NELL1: variants seen among roughly 807,000 people sequenced by gnomAD.
The protein encoded by NELL1 is neural EGFL like 1, also known as protein kinase C-binding protein NELL1.
Under a neutral mutation model 107.4 loss-of-function variants are expected in NELL1, and 76 were observed. The ratio of observed to expected loss-of-function variants is 0.71; its 90% CI spans 0.59 to 0.86. The LOEUF (loss-of-function observed/expected upper bound fraction) is 0.86, where lower values mean the gene tolerates loss of function less well. NELL1 is among the 40% of genes least tolerant of loss of function. The pLI is 0.00. For missense variants in NELL1, 1,024 were observed against 1,005.5 expected, an observed-to-expected ratio of 1.02 and a Z score of -0.25; for synonymous variants, 353 against 341.2, an observed-to-expected ratio of 1.03 and a Z score of -0.38.
rs75998652 is a variant in NELL1, at chr11:20,878,493, T to G, written c.507-6951T>G. ...TTGTCTGCCTGATAGATTCAAATTT[T>G]CTATCTCTATCTCTTTTCCGGGTGA... is the stretch of plus-strand genomic sequence containing the variant. On this transcript the variant is annotated intron_variant, in intron 4 of 19. Coordinates refer to ENST00000357134, the MANE Select transcript of NELL1 (RefSeq NM_006157.5). Among the ~76,000 whole-genome samples, 1,297 of 149,390 alleles carry G rather than the reference T, an allele frequency of 8.7e-3. 17 individuals are homozygous for G. Among genetic ancestry groups the G allele is most frequent in the African/African-American group, 0.032 (1,243 of 38,862 alleles).
chr11:20,708,018 T>A (rs939943614), intron 2 of NELL1, among the ~76,000 whole-genome samples: 1 of 152,244 alleles, frequency 6.6e-6, no homozygotes, highest in African/African-American at 2.4e-5. Context: ...CCGGCTGCTT[T>A]GTTTACCTAC....
At chr11:21,462,502 G>A (rs1202558283) in intron 15 of NELL1, among the ~76,000 whole-genome samples, 1 of 152,036 alleles carries the variant, frequency 6.6e-6, no homozygotes, top group Non-Finnish European at 1.5e-5. Flanking sequence ...CCTATTGGGA[G>A]GTGGGAACCA....
chr11:20,705,940 G>T (rs1460533364), intron 2 of NELL1, among the ~76,000 whole-genome samples: 10 of 152,184 alleles, frequency 6.6e-5, no homozygotes, highest in Non-Finnish European at 1.5e-4. Context: ...GGCCATCAGA[G>T]AAATGCAAAT....
intron 13 of NELL1, among the ~76,000 whole-genome samples, chr11:21,175,789 C>G (rs559579811): frequency 1.3e-5 from 2 of 151,814 alleles, no homozygotes; most frequent in Non-Finnish European, 2.9e-5. Flanking sequence ...ATTTTGGAGC[C>G]TAATTTTAAA....
chr11:20,987,165 C>A (rs1017707795), intron 12 of NELL1, among the ~76,000 whole-genome samples: 1 of 152,102 alleles, frequency 6.6e-6, no homozygotes, highest in Admixed American at 6.5e-5. Context: ...GCCATTTTAA[C>A]TTGGGTAGAT....
At chr11:21,300,202 C>T (rs2133970679) in intron 14 of NELL1, among the ~76,000 whole-genome samples, 1 of 152,098 alleles carries the variant, frequency 6.6e-6, no homozygotes, top group African/African-American at 2.4e-5. Flanking sequence ...CTGAGGTGTT[C>T]TCTGAATGAT....
intron 12 of NELL1, among the ~76,000 whole-genome samples, chr11:21,086,223 G>A (rs1183198317): frequency 6.6e-6 from 1 of 152,106 alleles, no homozygotes; most frequent in Non-Finnish European, 1.5e-5. Flanking sequence ...CTAAGGAAAG[G>A]AAAATGGCAA....
chr11:21,387,591 C>A (rs111645433), intron 15 of NELL1, among the ~76,000 whole-genome samples: 1 of 151,880 alleles, frequency 6.6e-6, no homozygotes, highest in Non-Finnish European at 1.5e-5. Flanking sequence ...TTGAACAGCT[C>A]TTTGTGCCTC....
chr11:21,431,773 C>T (rs1268659718), intron 15 of NELL1, among the ~76,000 whole-genome samples: 7 of 152,174 alleles, frequency 4.6e-5, no homozygotes, highest in Non-Finnish European at 1.0e-4. Flanking sequence ...TACCATTTTG[C>T]TTAACCTGCT....
chr11:21,052,815 T>G (rs1413266375), intron 12 of NELL1, among the ~76,000 whole-genome samples: 1 of 152,008 alleles, frequency 6.6e-6, no homozygotes, highest in Non-Finnish European at 1.5e-5. Context: ...TTGGCCTGTC[T>G]GAAGAAACAA....
At chr11:20,996,297 GT>G (rs759756533) in intron 12 of NELL1, among the ~76,000 whole-genome samples, 1 of 152,198 alleles carries the variant, frequency 6.6e-6, no homozygotes, top group Non-Finnish European at 1.5e-5. Flanking sequence ...GTACTTGCAT[GT>G]TCTGTCAGAG....
intron 15 of NELL1, among the ~76,000 whole-genome samples, chr11:21,511,501 G>A (rs1855434546): frequency 6.6e-6 from 1 of 152,132 alleles, no homozygotes; most frequent in Admixed American, 6.6e-5. Flanking sequence ...TGCAGTGAAG[G>A]AAGAGAGACA....
chr11:21,140,225 A>T (rs1256525528), intron 13 of NELL1, among the ~76,000 whole-genome samples: 16 of 152,176 alleles, frequency 1.1e-4, no homozygotes, highest in Admixed American at 1.0e-3. Flanking sequence ...CCCTAATGAA[A>T]ATCAGGATAT....
chr11:21,438,921 CA>C (rs1369143487), intron 15 of NELL1, among the ~76,000 whole-genome samples: 1 of 151,526 alleles, frequency 6.6e-6, no homozygotes, highest in Non-Finnish European at 1.5e-5. Flanking sequence ...CAAAGGAAGT[CA>C]AAAATGCATT....
intron 2 of NELL1, among the ~76,000 whole-genome samples, chr11:20,727,499 C>T (rs1279225048): frequency 1.3e-5 from 2 of 152,010 alleles, no homozygotes; most frequent in African/African-American, 2.4e-5. Flanking sequence ...GGATATTAGC[C>T]CTTTGTCAGA....
At chr11:20,786,829 A>G (rs946814856) in intron 3 of NELL1, among the ~76,000 whole-genome samples, 7 of 151,838 alleles carry the variant, frequency 4.6e-5, no homozygotes, top group African/African-American at 9.7e-5. Flanking sequence ...TAACACGGTG[A>G]AACCCCGTCT....
intron 2 of NELL1, among the ~76,000 whole-genome samples, chr11:20,763,508 A>G (rs1270102980): frequency 6.6e-6 from 1 of 152,206 alleles, no homozygotes; most frequent in Non-Finnish European, 1.5e-5. Context: ...AGTATTAAAT[A>G]TCACCCAGAT....
At chr11:21,174,257 G>A (rs1856666273) in intron 13 of NELL1, among the ~76,000 whole-genome samples, 1 of 151,792 alleles carries the variant, frequency 6.6e-6, no homozygotes, top group South Asian at 2.1e-4. Context: ...GGCAAACTGG[G>A]ATGTATGGCA....
In NELL1 at chr11:21,507,858, G is replaced by A. The variant is rs866738438; in HGVS notation, c.1646-26516G>A. On this transcript the variant is annotated intron_variant, in intron 15 of 19. Coordinates refer to ENST00000357134, the MANE Select transcript of NELL1 (RefSeq NM_006157.5). ...TGCGGCGGCGTGATCTCAGCTCAGT[G>A]CAACCTCTACCTGCCGGGTTCCAGC... Among the ~76,000 whole-genome samples, 4 of 151,196 alleles carry A rather than the reference G, an allele frequency of 2.6e-5. No individual in the cohort carries two copies. The East Asian group carries it at 5.8e-4, about 22-fold the overall frequency.
Sources: gnomAD v4.1 joint callset for allele counts (sites outside exome capture counted in the v4.1 genomes callset) on GRCh38, gnomAD v4.1.1 for gene constraint, MANE v1.5 for transcripts, NCBI Gene and HGNC (gene_info 2026-07-23, HGNC 2026-07-21) for gene names.